The following PACSIN2 variants were observed in gnomAD, a reference collection of about 807,000 sequenced individuals.
The protein encoded by PACSIN2 is protein kinase C and casein kinase substrate in neurons protein 2.
A neutral mutation model predicts 63.8 loss-of-function variants in PACSIN2; 25 were observed. The observed-to-expected ratio is 0.39, with a 90% CI of 0.29 to 0.55. The LOEUF is 0.55. PACSIN2 is among the 20% of genes least tolerant of loss of function. The pLI is 0.62. For synonymous variants in PACSIN2, 255 were observed against 256.2 expected (o/e 1.00, Z 0.05); for missense variants, 518 against 646.9 (o/e 0.80, Z 2.16).
intron 1 of PACSIN2, among the ~76,000 whole-genome samples, chr22:42,914,632 C>G (rs1931691023): frequency 6.6e-6 from 1 of 152,186 alleles, no homozygotes; most frequent in Non-Finnish European, 1.5e-5. Context: ...CTGCTCTAGG[C>G]TTCTCAGGGA....
intron 1 of PACSIN2, among the ~76,000 whole-genome samples, chr22:42,944,929 G>A (rs1569306696): frequency 6.6e-6 from 1 of 151,924 alleles, no homozygotes; most frequent in African/African-American, 2.4e-5. Flanking sequence ...GAAACCCTAT[G>A]TCTACTAAAA....
At chr22:42,984,422 G>A (rs994260670) in intron 1 of PACSIN2, among the ~76,000 whole-genome samples, 1 of 152,076 alleles carries the variant, frequency 6.6e-6, no homozygotes, top group Non-Finnish European at 1.5e-5. Flanking sequence ...TAGGCCCTCG[G>A]CCTCCCTGAA....
At chr22:42,980,079 A>AAAAG (rs759915415) in intron 1 of PACSIN2, among the ~76,000 whole-genome samples, 1 of 152,232 alleles carries the variant, frequency 6.6e-6, no homozygotes, top group South Asian at 2.1e-4. Context: ...AATTAAAAAA[A>AAAAG]AAAGAAAGAA....
chr22:42,920,550 T>C (rs1932115328), intron 1 of PACSIN2, among the ~76,000 whole-genome samples: 1 of 152,144 alleles, frequency 6.6e-6, no homozygotes, highest in African/African-American at 2.4e-5. Flanking sequence ...CTCCTTCTCC[T>C]TCCTCCCAAA....
At chr22:42,982,870 A>AAAAAAAC (rs1922289567) in intron 1 of PACSIN2, among the ~76,000 whole-genome samples, 1 of 76,094 alleles carries the variant, frequency 1.3e-5, no homozygotes, top group East Asian at 6.3e-4. Context: ...AATGATCAAT[A>AAAAAAAC]AAAAAAAAAA....
intron 1 of PACSIN2, among the ~76,000 whole-genome samples, chr22:42,914,661 C>T (rs1931693899): frequency 6.6e-6 from 1 of 152,210 alleles, no homozygotes; most frequent in Non-Finnish European, 1.5e-5. Flanking sequence ...GCTTTGGGCT[C>T]AGGTGAGTCT....
chr22:42,876,417 G>A, intron 9 of PACSIN2, 84 bp from the exon 10 acceptor site: 1 of 1,198,958 alleles, frequency 8.3e-7, no homozygotes, highest in Non-Finnish European at 1.2e-6. Context: ...GAGGGCACTG[G>A]AGCCTTGGGG....
At chr22:42,934,305 T>G (rs1601542561) in intron 1 of PACSIN2, among the ~76,000 whole-genome samples, 1 of 152,252 alleles carries the variant, frequency 6.6e-6, no homozygotes, top group East Asian at 1.9e-4. Flanking sequence ...GGTAAAGAGC[T>G]ACAGCACAAT....
At position 42,884,290 on chromosome 22, in the gene PACSIN2, C is replaced by T. The variant is rs1200797138; in HGVS notation, c.785+96G>A. 3.9e-5 allele frequency: 45 copies of T among 1,160,432 alleles called. 2 individuals carry two copies. Among genetic ancestry groups the T allele is most frequent in the Non-Finnish European group, 4.9e-5 (39 of 802,660 alleles). The allele number at this position is 1,160,432 out of a possible 1,614,324, so 71.9% of individuals were successfully genotyped here. A position where few individuals can be genotyped will look rare whatever the true frequency, so the allele number is the denominator to read the frequency against. Reference sequence around the variant, plus strand: ...CGGTGAGGAGACCTCCTGATGAACGCGCCATCCCAAACCTGGGAGCAGCAT... The same window carrying T: ...CGGTGAGGAGACCTCCTGATGAACGTGCCATCCCAAACCTGGGAGCAGCAT... On this transcript the variant is annotated intron_variant, in intron 6 of 10. Coordinates refer to ENST00000263246, the MANE Select transcript of PACSIN2 (RefSeq NM_001184970.3).
rs1387282875 is a variant in PACSIN2, at chr22:42,891,200, G to A, written c.218-18C>T. 6.3e-7 allele frequency: 1 copy of A among 1,576,652 alleles called. No individual in the cohort carries two copies. The highest frequency in any genetic ancestry group is 8.7e-7 in the Non-Finnish European group (1 of 1,147,980). ...CTGGGGCCCTGTGCAGGGGAGAGAA[G>A]CTGCGGGTCACTCAGCGCCGGCCAT... On this transcript the variant is annotated intron_variant, in intron 3 of 10. Coordinates refer to ENST00000263246, the MANE Select transcript of PACSIN2 (RefSeq NM_001184970.3).
intron 2 of PACSIN2, among the ~76,000 whole-genome samples, chr22:42,905,956 C>T (rs909957610): frequency 2.6e-5 from 4 of 152,264 alleles, no homozygotes; most frequent in Non-Finnish European, 5.9e-5. Flanking sequence ...CCGCCACCCA[C>T]TCCTTCAAGT....
intron 1 of PACSIN2, among the ~76,000 whole-genome samples, chr22:42,995,730 C>T (rs1377624426): frequency 1.3e-5 from 2 of 152,144 alleles, no homozygotes; most frequent in African/African-American, 2.4e-5. Flanking sequence ...AAGCACATTC[C>T]ACCCATGTTT....
chr22:42,919,890 G>T (rs1328706725), intron 1 of PACSIN2, among the ~76,000 whole-genome samples: 1 of 151,358 alleles, frequency 6.6e-6, no homozygotes, highest in East Asian at 1.9e-4. Context: ...GCCAAAGCAG[G>T]TGGATCACTT....
At chr22:42,875,760 T>A (rs915772193) in intron 10 of PACSIN2, among the ~76,000 whole-genome samples, 3 of 151,304 alleles carry the variant, frequency 2.0e-5, no homozygotes, top group African/African-American at 7.3e-5. Flanking sequence ...GGGCTCGAAC[T>A]CCTGACCTCA....
intron 1 of PACSIN2, among the ~76,000 whole-genome samples, chr22:42,967,655 G>A (rs1490407466): frequency 3.3e-5 from 5 of 152,174 alleles, no homozygotes; most frequent in African/African-American, 9.7e-5. Context: ...TTGGGAGGCC[G>A]AGGCGGGCGG....
chr22:42,926,800 G>A (rs1932565357), intron 1 of PACSIN2, among the ~76,000 whole-genome samples: 1 of 151,656 alleles, frequency 6.6e-6, no homozygotes. Flanking sequence ...CCTGTGAATA[G>A]CCACTGCACT....
At position 43,011,838 on chromosome 22, in the gene PACSIN2, C is replaced by T. The variant is rs190964749; in HGVS notation, c.-78+3183G>A. Among the ~76,000 whole-genome samples the T allele has an allele frequency of 5.3e-5, 8 of 152,252 alleles. No individual in the cohort carries two copies. The East Asian group carries it at 1.4e-3, about 26-fold the overall frequency. On this transcript the variant is annotated intron_variant, in intron 1 of 10. Transcript: ENST00000263246. ...ATCAGCCTGGCCAACATGGTAAAACCCCATCTCTATTAAAAATACAAAAAC... is the reference window on the plus strand; with the variant it reads ...ATCAGCCTGGCCAACATGGTAAAACTCCATCTCTATTAAAAATACAAAAAC...
At chr22:42,980,535 G>A (rs900850502) in intron 1 of PACSIN2, among the ~76,000 whole-genome samples, 2 of 120,554 alleles carry the variant, frequency 1.7e-5, no homozygotes, top group African/African-American at 6.6e-5. Context: ...CTCTGATGCC[G>A]AGCCAAAGCT....
intron 1 of PACSIN2, among the ~76,000 whole-genome samples, chr22:42,973,994 T>C (rs1921507971): frequency 6.6e-6 from 1 of 152,228 alleles, no homozygotes; most frequent in African/African-American, 2.4e-5. Flanking sequence ...CCACGAGCTG[T>C]GGAATCGCAA....
Sources: allele counts gnomAD v4.1 joint callset (sites outside exome capture counted in the v4.1 genomes callset), GRCh38; gene constraint gnomAD v4.1.1; transcripts MANE v1.5; gene names NCBI Gene and HGNC (gene_info 2026-07-23, HGNC 2026-07-21).